Variants in TMEM132D observed in about 807,000 individuals in gnomAD.
TMEM132D encodes the protein mature OL transmembrane protein.
In TMEM132D, 21 loss-of-function variants were observed where a neutral mutation model predicts 62.3. The ratio of observed to expected loss-of-function variants is 0.34; its 90% CI spans 0.24 to 0.49. TMEM132D has a LOEUF of 0.49. TMEM132D is among the 20% of genes least tolerant of loss of function. TMEM132D has a pLI of 0.99. For synonymous variants in TMEM132D, 621 were observed against 575.6 expected, an observed-to-expected ratio of 1.08 and a Z score of -1.13; for missense variants, 1,346 against 1,402.8, an observed-to-expected ratio of 0.96 and a Z score of 0.65.
At chr12:129,178,738 A>C (rs1877978598) in intron 5 of TMEM132D, among the ~76,000 whole-genome samples, 2 of 152,140 alleles carry the variant, frequency 1.3e-5, no homozygotes, top group South Asian at 4.1e-4. Context: ...TCAATTGCAA[A>C]AATGGCCCCA....
intron 4 of TMEM132D, among the ~76,000 whole-genome samples, chr12:129,314,246 C>T (rs949795474): frequency 3.3e-5 from 5 of 152,168 alleles, no homozygotes; most frequent in South Asian, 2.1e-4. Context: ...TCTGTAGTTT[C>T]AGGTCTTAGG....
intron 2 of TMEM132D, among the ~76,000 whole-genome samples, chr12:129,698,783 AAG>A (rs1304604695): frequency 6.1e-5 from 9 of 147,784 alleles, no homozygotes; most frequent in Admixed American, 2.0e-4. Flanking sequence ...GAGAGGGAGA[AAG>A]AGAGGGAGAA....
At chr12:129,146,195 C>G (rs1476823764) in intron 5 of TMEM132D, among the ~76,000 whole-genome samples, 1 of 151,984 alleles carries the variant, frequency 6.6e-6, no homozygotes, top group Admixed American at 6.6e-5. Flanking sequence ...ACGTATTAGT[C>G]CTGCATAACT....
intron 2 of TMEM132D, among the ~76,000 whole-genome samples, chr12:129,555,620 A>C (rs1272124942): frequency 6.6e-6 from 1 of 152,220 alleles, no homozygotes; most frequent in African/African-American, 2.4e-5. Flanking sequence ...TTTCAAACTA[A>C]TTGTCAGGGA....
intron 3 of TMEM132D, among the ~76,000 whole-genome samples, chr12:129,502,354 T>C (rs1451850037): frequency 2.6e-5 from 4 of 152,204 alleles, no homozygotes; most frequent in African/African-American, 9.6e-5. Context: ...AGGTTGAATA[T>C]CAATCATCAG....
At chr12:129,275,949 T>C (rs185120382) in intron 4 of TMEM132D, among the ~76,000 whole-genome samples, 1 of 152,318 alleles carries the variant, frequency 6.6e-6, no homozygotes, top group East Asian at 1.9e-4. Flanking sequence ...AGGAACAGCG[T>C]GGGCCATGCT....
chr12:129,141,794 T>A (rs1290811019), intron 5 of TMEM132D, among the ~76,000 whole-genome samples: 2 of 151,844 alleles, frequency 1.3e-5, no homozygotes, highest in African/African-American at 4.8e-5. Flanking sequence ...GGAGCAAAGT[T>A]TGAAAAACTA....
chr12:129,186,910 C>G (rs912036986), intron 5 of TMEM132D, among the ~76,000 whole-genome samples: 1 of 152,206 alleles, frequency 6.6e-6, no homozygotes, highest in Non-Finnish European at 1.5e-5. Context: ...ACATTTTAGA[C>G]ACACTATTTT....
At chr12:129,831,876 C>CTTTTTTTTTTT (rs71085576) in intron 1 of TMEM132D, among the ~76,000 whole-genome samples, 1 of 134,898 alleles carries the variant, frequency 7.4e-6, no homozygotes, top group Admixed American at 7.9e-5. Flanking sequence ...CTTTCTTTTT[C>CTTTTTTTTTTT]TTTTTTTTTT....
chr12:129,180,662 G>C (rs1157826161), intron 5 of TMEM132D, among the ~76,000 whole-genome samples: 1 of 152,162 alleles, frequency 6.6e-6, no homozygotes, highest in African/African-American at 2.4e-5. Context: ...AGGCCTTTTT[G>C]AGAAGGTGAC....
chr12:129,443,448 G>A (rs566749964), intron 3 of TMEM132D, among the ~76,000 whole-genome samples: 18 of 152,106 alleles, frequency 1.2e-4, no homozygotes, highest in Non-Finnish European at 2.5e-4. Context: ...GAAGATAAAA[G>A]CTGAGTTTGG....
intron 3 of TMEM132D, among the ~76,000 whole-genome samples, chr12:129,513,812 A>ATTT (rs1386057608): frequency 9.6e-6 from 1 of 103,678 alleles, no homozygotes; most frequent in Non-Finnish European, 1.9e-5. Context: ...ATTTTTATTT[A>ATTT]TTTATTTATT....
chr12:129,441,879 C>T (rs1174036958), intron 3 of TMEM132D, among the ~76,000 whole-genome samples: 2 of 152,244 alleles, frequency 1.3e-5, no homozygotes, highest in South Asian at 2.1e-4. Context: ...AGCAAAGTGG[C>T]GCAGAAACAG....
intron 1 of TMEM132D, among the ~76,000 whole-genome samples, chr12:129,868,524 C>T (rs796502282): frequency 1.3e-5 from 2 of 152,130 alleles, no homozygotes; most frequent in South Asian, 2.1e-4. Flanking sequence ...AATCGTGAGT[C>T]GAGGCTTCCT....
chr12:129,268,422 A>G (rs1467785628), intron 4 of TMEM132D, among the ~76,000 whole-genome samples: 1 of 152,246 alleles, frequency 6.6e-6, no homozygotes. Flanking sequence ...CAGCCAAAAA[A>G]CACATGAAAA....
At chr12:129,137,389 G>A (rs773092905) in intron 5 of TMEM132D, among the ~76,000 whole-genome samples, 1 of 152,114 alleles carries the variant, frequency 6.6e-6, no homozygotes, top group Non-Finnish European at 1.5e-5. Flanking sequence ...TACACTACAG[G>A]TACTATTACT....
intron 1 of TMEM132D, among the ~76,000 whole-genome samples, chr12:129,759,339 T>A (rs1458646501): frequency 6.6e-6 from 1 of 152,242 alleles, no homozygotes; most frequent in Non-Finnish European, 1.5e-5. Context: ...TTCAGTCATT[T>A]TTACATGCTG....
At chr12:129,266,587 CT>C (rs1880702231) in intron 4 of TMEM132D, among the ~76,000 whole-genome samples, 2 of 147,832 alleles carry the variant, frequency 1.4e-5, no homozygotes, top group Non-Finnish European at 3.0e-5. Flanking sequence ...TCTTCTTCCC[CT>C]TTTTCCCCTC....
intron 4 of TMEM132D, among the ~76,000 whole-genome samples, chr12:129,315,540 G>A (rs1228276087): frequency 2.6e-5 from 4 of 152,126 alleles, no homozygotes; most frequent in Non-Finnish European, 4.4e-5. Flanking sequence ...TTTGGATACG[G>A]TTAACTAGTA....
Sources: gnomAD v4.1 joint callset for allele counts (sites outside exome capture counted in the v4.1 genomes callset) on GRCh38, gnomAD v4.1.1 for gene constraint, MANE v1.5 for transcripts, NCBI Gene and HGNC (gene_info 2026-07-23, HGNC 2026-07-21) for gene names.